The following C11orf65 variants were observed in gnomAD, a reference collection of about 807,000 sequenced individuals.
C11orf65 encodes the protein chromosome 11 open reading frame 65, also known as protein MFI.
In C11orf65, 38 loss-of-function variants were observed where a neutral mutation model predicts 35.3. The observed-to-expected ratio is 1.08, with a 90% CI of 0.83 to 1.41. The LOEUF is 1.41. Ranked by LOEUF, C11orf65 falls within the 40% of genes most tolerant of loss-of-function variation. The pLI, the probability that C11orf65 is intolerant of heterozygous loss-of-function variation, is 0.00. For synonymous variants in C11orf65, 105 were observed against 114.4 expected (o/e 0.92, Z 0.53); for missense variants, 370 against 367.1 (o/e 1.01, Z -0.06).
At chr11:108,324,526 C>CA (rs1399558798) in intron 6 of C11orf65, among the ~76,000 whole-genome samples, 1 of 152,024 alleles carries the variant, frequency 6.6e-6, no homozygotes. Flanking sequence ...TAAAGGAGTT[C>CA]CGCAAAAAGT....
intron 6 of C11orf65, among the ~76,000 whole-genome samples, chr11:108,314,279 C>A (rs752095994): frequency 2.4e-4 from 37 of 152,002 alleles, no homozygotes; most frequent in Admixed American, 2.6e-4. Context: ...CCATCTCCAG[C>A]TAATTTTTGT....
At chr11:108,405,330 T>C in intron 6 of C11orf65, 99 bp downstream of exon 6, 3 of 1,242,842 alleles carry the variant, frequency 2.4e-6, no homozygotes, top group Non-Finnish European at 2.2e-6. Context: ...GCAGACCCCC[T>C]GCAGCTAATG....
intron 2 of C11orf65, among the ~76,000 whole-genome samples, chr11:108,358,771 A>G (rs227045): frequency 0.53 from 74,910 of 141,292 alleles, 20,322 homozygotes; most frequent in Middle Eastern, 0.74. Flanking sequence ...CACCAGGCCT[A>G]CCCTAAAAGA....
chr11:108,316,453 C>G (rs1229615337), intron 6 of C11orf65, among the ~76,000 whole-genome samples: 2 of 152,082 alleles, frequency 1.3e-5, no homozygotes, highest in African/African-American at 2.4e-5. Flanking sequence ...CATGGAAAAT[C>G]TTATGTAAAC....
downstream of C11orf65, among the ~76,000 whole-genome samples, chr11:108,382,350 G>A (rs555088106): frequency 2.0e-5 from 3 of 152,114 alleles, no homozygotes; most frequent in South Asian, 6.2e-4. Context: ...AAGGCAAATC[G>A]TAGGCCCCAA....
chr11:108,365,076 G>C lies in C11orf65; in HGVS notation c.226+28132C>G, dbSNP rs777096209. 6.2e-7 allele frequency: 1 copy of C among 1,613,814 alleles called. No individual in the cohort carries two copies. Among genetic ancestry groups the C allele is most frequent in the South Asian group, 1.1e-5 (1 of 91,064 alleles). ...TTCTTTTAATACATATGTTCTCTCT[G>C]TTTAGGTCCTTCTATATGATCCACT... On this transcript the variant is annotated intron_variant, in intron 2 of 3. Transcript: ENST00000524755.
At chr11:108,423,631 G>A (rs1057222801) in intron 3 of C11orf65, among the ~76,000 whole-genome samples, 1 of 152,200 alleles carries the variant, frequency 6.6e-6, no homozygotes, top group African/African-American at 2.4e-5. Context: ...TCTCCCAGCA[G>A]GGGTTGACAG....
At chr11:108,352,931 G>A (rs1175583831) in intron 2 of C11orf65, among the ~76,000 whole-genome samples, 2 of 152,152 alleles carry the variant, frequency 1.3e-5, no homozygotes, top group Non-Finnish European at 2.9e-5. Context: ...AGAGGGCTGG[G>A]TGATAGGCTA....
rs75305387 is a variant in C11orf65 at position 108,335,936 on chromosome 11, G to A, written c.227-644C>T. The A allele has an allele frequency of 6.2e-7, 1 of 1,612,890 alleles. No individual in the cohort carries two copies. Among genetic ancestry groups the A allele is most frequent in the African/African-American group, 1.3e-5 (1 of 74,980 alleles). ...CAGAGAAACACGGAAACTAGGAAGA[G>A]GAAATTAACTATCTGTACTTATAAG... On this transcript the variant is annotated intron_variant, in intron 2 of 3. Coordinates refer to the C11orf65 transcript ENST00000524755.
chr11:108,337,900 T>G (rs1421455205), intron 2 of C11orf65, among the ~76,000 whole-genome samples: 2 of 152,248 alleles, frequency 1.3e-5, no homozygotes, highest in Non-Finnish European at 2.9e-5. Context: ...AGATACACAA[T>G]TGAACCTCCA....
At chr11:108,431,006 A>G (rs1011788188) in intron 3 of C11orf65, among the ~76,000 whole-genome samples, 1 of 152,078 alleles carries the variant, frequency 6.6e-6, no homozygotes, top group Admixed American at 6.6e-5. Flanking sequence ...ACAAATTACA[A>G]ACTGACAATA....
intron 3 of C11orf65, among the ~76,000 whole-genome samples, chr11:108,332,495 T>C (rs1285371236): frequency 2.0e-5 from 3 of 152,188 alleles, no homozygotes; most frequent in Non-Finnish European, 2.9e-5. Context: ...TGTCAAAGCA[T>C]AGGAGATACC....
chr11:108,344,933 G>A (rs1428116457), intron 2 of C11orf65, among the ~76,000 whole-genome samples: 1 of 151,978 alleles, frequency 6.6e-6, no homozygotes, highest in Admixed American at 6.6e-5. Context: ...GAGCCCAGGG[G>A]CCAAAATTGC....
intron 3 of C11orf65, among the ~76,000 whole-genome samples, chr11:108,410,598 G>T (rs2092636275): frequency 6.6e-6 from 1 of 151,950 alleles, no homozygotes. Flanking sequence ...CAAGTGATCT[G>T]TGCACCTTGG....
chr11:108,309,971 T>C (rs528203238), intron 6 of C11orf65, among the ~76,000 whole-genome samples: 4 of 152,158 alleles, frequency 2.6e-5, no homozygotes, highest in African/African-American at 9.7e-5. Context: ...ACCAAAAAGA[T>C]TAATTAAATA....
intron 2 of C11orf65, chr11:108,340,365 C>G (rs1240972061): frequency 6.6e-6 from 1 of 151,186 alleles, no homozygotes; most frequent in East Asian, 1.9e-4. Flanking sequence ...GTGTGTAGAT[C>G]TGTAAGATAA....
At chr11:108,336,411 ATTTATTAATG>A (rs1020822279) in intron 2 of C11orf65, 1 of 158,962 alleles carries the variant, frequency 6.3e-6, no homozygotes, top group African/African-American at 2.4e-5. Flanking sequence ...TGTAAAAAGT[ATTTATTAATG>A]TTAATTATAG....
intron 6 of C11orf65, chr11:108,310,330 A>G (rs1394350069): frequency 6.2e-7 from 1 of 1,610,506 alleles, no homozygotes; most frequent in Non-Finnish European, 8.5e-7. Context: ...TGGAATTTAG[A>G]ATTTTTGGTT....
intron 3 of C11orf65, chr11:108,332,993 T>A (rs2136582844): frequency 6.8e-7 from 1 of 1,464,378 alleles, no homozygotes; most frequent in Non-Finnish European, 9.3e-7. Flanking sequence ...TAAATCTGCT[T>A]AAAATCACAA....
Sources: gnomAD v4.1 joint callset for allele counts (sites outside exome capture counted in the v4.1 genomes callset) on GRCh38, gnomAD v4.1.1 for gene constraint, MANE v1.5 for transcripts, NCBI Gene and HGNC (gene_info 2026-07-23, HGNC 2026-07-21) for gene names.